ROBO2: variants seen among roughly 807,000 people sequenced by gnomAD.
ROBO2 encodes the protein roundabout homolog 2.
A neutral mutation model predicts 160.8 loss-of-function variants in ROBO2; 53 were observed. The ratio of observed to expected loss-of-function variants is 0.33; its 90% CI spans 0.26 to 0.41. The LOEUF (loss-of-function observed/expected upper bound fraction) is 0.41, where lower values mean the gene tolerates loss of function less well. ROBO2 is among the 10% of genes least tolerant of loss of function. The pLI is 1.00. For synonymous variants in ROBO2, 664 were observed against 611.7 expected (o/e 1.09, Z -1.26); for missense variants, 1,577 against 1,722.4 (o/e 0.92, Z 1.49).
chr3:76,480,803 G>A (rs2079168231), intron 2 of ROBO2, among the ~76,000 whole-genome samples: 1 of 152,190 alleles, frequency 6.6e-6, no homozygotes, highest in African/African-American at 2.4e-5. Context: ...TCAGATTATA[G>A]CAAAGATAAT....
chr3:76,243,927 T>C (rs1445416371), intron 2 of ROBO2, among the ~76,000 whole-genome samples: 26 of 151,770 alleles, frequency 1.7e-4, no homozygotes, highest in Non-Finnish European at 3.4e-4. Flanking sequence ...TAAGTTTTTT[T>C]CTTTTTTTTT....
chr3:77,560,865 C>T (rs1582950771), intron 9 of ROBO2, among the ~76,000 whole-genome samples: 2 of 152,058 alleles, frequency 1.3e-5, no homozygotes, highest in Non-Finnish European at 2.9e-5. Context: ...AATGCAAATT[C>T]TTTTACTCTT....
At chr3:76,363,875 G>C (rs191136573) in intron 2 of ROBO2, among the ~76,000 whole-genome samples, 1 of 151,374 alleles carries the variant, frequency 6.6e-6, no homozygotes, top group Non-Finnish European at 1.5e-5. Context: ...CTTAATCTGG[G>C]ACATCCTTGA....
chr3:76,708,639 T>C (rs2093222117), intron 2 of ROBO2, among the ~76,000 whole-genome samples: 2 of 152,140 alleles, frequency 1.3e-5, no homozygotes, highest in African/African-American at 4.8e-5. Flanking sequence ...GTCATCAGAA[T>C]TTATATGCCT....
intron 2 of ROBO2, among the ~76,000 whole-genome samples, chr3:76,125,585 C>T (rs2108309712): frequency 6.6e-6 from 1 of 152,136 alleles, no homozygotes; most frequent in South Asian, 2.1e-4. Flanking sequence ...ATTTGCATTT[C>T]TCTGATAATT....
At chr3:77,602,583 T>G in intron 20 of ROBO2, 92 bp downstream of exon 21, 1 of 1,437,300 alleles carries the variant, frequency 7.0e-7, no homozygotes, top group Non-Finnish European at 9.7e-7. Flanking sequence ...TAGTGATTCA[T>G]TACCAGGTTT....
chr3:76,733,105 T>G (rs956920454), intron 2 of ROBO2, among the ~76,000 whole-genome samples: 3 of 152,112 alleles, frequency 2.0e-5, no homozygotes, highest in East Asian at 1.9e-4. Context: ...AGAAGAGAGA[T>G]ATTCACTGGC....
chr3:76,665,688 T>C (rs2091990916), intron 2 of ROBO2, among the ~76,000 whole-genome samples: 1 of 151,588 alleles, frequency 6.6e-6, no homozygotes, highest in Non-Finnish European at 1.5e-5. Flanking sequence ...TTCTTGACAC[T>C]ATGAATGACC....
chr3:76,108,716 T>C (rs929909037), intron 2 of ROBO2, among the ~76,000 whole-genome samples: 1 of 151,476 alleles, frequency 6.6e-6, no homozygotes, highest in Non-Finnish European at 1.5e-5. Context: ...AAGTAATTCA[T>C]TGAACACAAA....
intron 5 of ROBO2, among the ~76,000 whole-genome samples, chr3:77,495,069 G>T (rs2086617048): frequency 1.3e-5 from 2 of 152,242 alleles, no homozygotes; most frequent in Non-Finnish European, 2.9e-5. Context: ...TTACACTATT[G>T]AATTGTTACT....
At chr3:77,080,929 A>G (rs1050687610) in intron 1 of ROBO2, among the ~76,000 whole-genome samples, 2 of 152,192 alleles carry the variant, frequency 1.3e-5, no homozygotes, top group African/African-American at 4.8e-5. Context: ...TTTATAAGGT[A>G]TTCGCCGGAG....
chr3:77,049,581 A>G (rs761523828), intron 1 of ROBO2, among the ~76,000 whole-genome samples: 1 of 152,206 alleles, frequency 6.6e-6, no homozygotes, highest in Non-Finnish European at 1.5e-5. Flanking sequence ...TAAAAATTTA[A>G]TACTAAGGAG....
intron 2 of ROBO2, among the ~76,000 whole-genome samples, chr3:77,445,446 A>G (rs2080375235): frequency 6.6e-6 from 1 of 152,108 alleles, no homozygotes; most frequent in Non-Finnish European, 1.5e-5. Flanking sequence ...TCTCCCAGTG[A>G]TTATATATAC....
intron 2 of ROBO2, among the ~76,000 whole-genome samples, chr3:76,873,460 T>C (rs976936151): frequency 1.3e-5 from 2 of 152,250 alleles, no homozygotes; most frequent in African/African-American, 2.4e-5. Flanking sequence ...AATTATGGAA[T>C]GAAATAAATA....
At chr3:76,963,557 C>T (rs1046097290) in intron 2 of ROBO2, among the ~76,000 whole-genome samples, 1 of 151,912 alleles carries the variant, frequency 6.6e-6, no homozygotes, top group Non-Finnish European at 1.5e-5. Flanking sequence ...AAAATTTGGT[C>T]AATTATATCA....
Position 76,129,906 on chromosome 3 carries a change from G to A in ROBO2, c.109+192304G>A, listed in dbSNP as rs892505414. The stretch of plus-strand genomic sequence containing the variant: ...TAGATCATTTTGATATATTTTAGTT[G>A]AAAGTTTTCTCTCATGCTGAATCAC... On this transcript the variant is annotated intron_variant, in intron 2 of 26. Coordinates refer to the ROBO2 transcript ENST00000487694. Among the ~76,000 whole-genome samples, 9 of 151,960 alleles carry A rather than the reference G, an allele frequency of 5.9e-5. 1 individual carries two copies. Among genetic ancestry groups the A allele is most frequent in the Non-Finnish European group, 8.8e-5 (6 of 67,974 alleles).
chr3:76,633,480 C>A (rs1425826443), intron 2 of ROBO2, among the ~76,000 whole-genome samples: 1 of 152,134 alleles, frequency 6.6e-6, no homozygotes, highest in Admixed American at 6.5e-5. Context: ...CATCCACATT[C>A]TCATCATTCA....
chr3:77,499,569 T>A (rs1183373844), intron 5 of ROBO2, among the ~76,000 whole-genome samples: 2 of 151,596 alleles, frequency 1.3e-5, no homozygotes, highest in South Asian at 2.1e-4. Context: ...AATTTGTATA[T>A]AATGACACAT....
chr3:76,848,295 G>A (rs552099782), intron 2 of ROBO2, among the ~76,000 whole-genome samples: 10 of 152,236 alleles, frequency 6.6e-5, no homozygotes, highest in African/African-American at 2.2e-4. Context: ...GCATACTGGC[G>A]AAGGATGCTG....
Sources: allele counts gnomAD v4.1 joint callset (sites outside exome capture counted in the v4.1 genomes callset), GRCh38; gene constraint gnomAD v4.1.1; transcripts MANE v1.5; gene names NCBI Gene and HGNC (gene_info 2026-07-23, HGNC 2026-07-21).